ITPR3: variants seen among roughly 807,000 people sequenced by gnomAD.
ITPR3 encodes inositol 1,4,5-trisphosphate receptor type 3.
In ITPR3, 173 loss-of-function variants were observed where a neutral mutation model predicts 293.2. The observed-to-expected ratio is 0.59, with a 90% CI of 0.52 to 0.67. The LOEUF (loss-of-function observed/expected upper bound fraction) is 0.67. ITPR3 is among the 30% of genes least tolerant of loss of function. ITPR3 has a pLI of 0.00. For synonymous variants in ITPR3, 1,295 were observed against 1,444.4 expected (o/e 0.90, Z 2.35); for missense variants, 2,796 against 3,592.1 (o/e 0.78, Z 5.66).
rs1181668563 is a variant in ITPR3 at position 33,677,551 on chromosome 6, G to A, written c.3570G>A (p.Arg1190=). ...TGTGCGGGGTTGGGGAGCAAATGAG[G>A]AAGAAGCAGCAACGGCTGCTGAAGA... The part of the protein sequence containing the change: ...NKMCGVGEQM[R]KKQQRLLKNM... Residue 1190 remains arginine (R), a synonymous_variant, in exon 28 of 58, where the codon AGG becomes AGA. Coordinates refer to ENST00000605930, the MANE Select transcript of ITPR3 (RefSeq NM_002224.4). 3 of 1,614,068 alleles carry A rather than the reference G, an allele frequency of 1.9e-6. No individual in the cohort carries two copies. Among genetic ancestry groups the A allele is most frequent in the Admixed American group, 3.3e-5 (2 of 60,012 alleles).
rs9469559 is a variant in ITPR3, at chr6:33,685,507, G to T, written c.5456G>T (p.Arg1819Leu). Reference protein sequence around the residue: ...NDLGSQPHEDREPVDPTTKGR... With the variant: ...NDLGSQPHEDLEPVDPTTKGR... The stretch of plus-strand genomic sequence containing the variant: ...CTGGGCAGCCAGCCACATGAGGACC[G>T]CGAGCCAGTCGACCCCACCACCAAA... The change falls in exon 40 of 58, where the codon CGC (arginine) becomes CTC (leucine). Residue 1819 changes from arginine to leucine, a missense_variant. Physicochemically the swap from Arg to Leu is moderately radical, Grantham distance 102 (BLOSUM62 -2). Transcript: ENST00000605930. 8 of 1,612,894 alleles carry T rather than the reference G, an allele frequency of 5.0e-6. No individual in the cohort carries two copies. In the East Asian group the frequency reaches 8.9e-5, roughly 18 times the overall value.
chr6:33,688,859 C>A, intron 49 of ITPR3, 78 bp downstream of exon 49: 2 of 1,590,580 alleles, frequency 1.3e-6, no homozygotes, highest in Non-Finnish European at 1.7e-6. Flanking sequence ...AGCCTTGAGG[C>A]CAGCTGGCCT....
rs2147658 is a variant in ITPR3, at chr6:33,662,352, G to A, written c.712-176G>A. Among the ~76,000 whole-genome samples, 35,415 of 151,624 alleles carry A rather than the reference G, an allele frequency of 0.23. 4,734 individuals carry two copies. Among genetic ancestry groups the A allele is most frequent in the Non-Finnish European group, 0.28 (19,122 of 67,770 alleles). On this transcript the variant is annotated intron_variant, in intron 7 of 57. Coordinates refer to ENST00000605930, the MANE Select transcript of ITPR3 (RefSeq NM_002224.4). Reference sequence around the variant, plus strand: ...GATGCGGGCTGAGGGCAGAGTGCCTGGGCTTTGGCTGTTCTCTAGGGGGCT... The same window carrying A: ...GATGCGGGCTGAGGGCAGAGTGCCTAGGCTTTGGCTGTTCTCTAGGGGGCT...
Position 33,692,667 on chromosome 6 carries a change from T to C in ITPR3, c.7459-61T>C. 1 of 1,553,994 alleles carries C rather than the reference T, an allele frequency of 6.4e-7. No homozygotes were observed. ...ACAGCCCTGGCCCCAACCTGAGTCC[T>C]ATCTTGCCCCAGTGAATGTGGGGAC... On this transcript the variant is annotated intron_variant, in intron 54 of 57. Transcript: ENST00000605930. The surrounding 1 kb of genome is among the most constrained non-coding windows in gnomAD (Gnocchi z 4.2).
intron 39 of ITPR3, 50 bp from the exon 40 acceptor site, chr6:33,685,309 G>A (rs931434038): frequency 6.6e-7 from 1 of 1,522,864 alleles, no homozygotes; most frequent in African/African-American, 1.4e-5. Flanking sequence ...GCCCTGAGTA[G>A]GAGCAGGGCC....
Position 33,691,456 on chromosome 6 carries a change from G to A in ITPR3, c.7226-159G>A, listed in dbSNP as rs1352628427. ...CCTGCCCTTAGTGTGCAACCCAGTC[G>A]GGGGCAGAAGCGTGATGACCCTTCA... On this transcript the variant is annotated intron_variant, in intron 52 of 57. Transcript: ENST00000605930. This position sits in a 1 kb window ranked among gnomAD's most constrained non-coding sequence, Gnocchi z 4.9. Among the ~76,000 whole-genome samples, 1 of 152,174 alleles carries A rather than the reference G, an allele frequency of 6.6e-6. No individual in the cohort carries two copies. Among genetic ancestry groups the A allele is most frequent in the South Asian group, 2.1e-4 (1 of 4,834 alleles).
In ITPR3 at chr6:33,678,695, C is replaced by A; in HGVS notation, c.3828C>A (p.Ser1276=). 6.2e-7 allele frequency: 1 copy of A among 1,612,972 alleles called. No homozygotes were observed. The part of the protein sequence containing the change: ...HIFLNNYQLC[S]EISEPVLQHF... The stretch of plus-strand genomic sequence containing the variant: ...TCCTGAACAACTATCAGCTCTGCTC[C>A]GAGATCAGCGAGCCTGTGTTGCAGC... The change falls in exon 30 of 58, where the codon TCC becomes TCA. Residue 1276 remains serine (S), a synonymous_variant. Transcript: ENST00000605930.
At chr6:33,671,432 G>A in intron 21 of ITPR3, 126 bp downstream of exon 21, 1 of 698,010 alleles carries the variant, frequency 1.4e-6, no homozygotes, top group Non-Finnish European at 2.4e-6. Flanking sequence ...TCTGCCTCAA[G>A]GGGATATCTT....
Position 33,690,199 on chromosome 6 carries a change from G to A in ITPR3, c.7032+1G>A, listed in dbSNP as rs781568993. 4 of 1,612,624 alleles carry A rather than the reference G, an allele frequency of 2.5e-6. No individual in the cohort carries two copies. Among genetic ancestry groups the A allele is most frequent in the Non-Finnish European group, 3.4e-6 (4 of 1,179,134 alleles). ...TCATGAGCTGTTCTACAGCATCCTGGTGAGGCCTTCTGGGTGGGCTGGGGC... is the reference window on the plus strand; with the variant it reads ...TCATGAGCTGTTCTACAGCATCCTGATGAGGCCTTCTGGGTGGGCTGGGGC... On this transcript the variant is annotated splice_donor_variant, in intron 51 of 57. Coordinates refer to ENST00000605930, the MANE Select transcript of ITPR3 (RefSeq NM_002224.4). LOFTEE classifies it high-confidence loss of function.
At position 33,659,006 on chromosome 6, in the gene ITPR3, C is replaced by T. The variant is rs142940932; in HGVS notation, c.529-15C>T. On this transcript the variant is annotated splice_polypyrimidine_tract_variant and intron_variant, in intron 5 of 57. Transcript: ENST00000605930. ...CCTGCCCTTCCCACCTAACCTGTCC[C>T]ACCTGTCTGCTCAGGTGGTCGTGGG... 1.2e-3 allele frequency: 1,991 copies of T among 1,613,854 alleles called. 30 individuals carry two copies. The highest frequency in any genetic ancestry group is 0.011 in the South Asian group (991 of 91,076).
chr6:33,685,215 A>G (rs1222571996), intron 39 of ITPR3, 144 bp from the exon 40 acceptor site: 2 of 859,844 alleles, frequency 2.3e-6, no homozygotes, highest in African/African-American at 3.4e-5. Context: ...ATGGGTGGCC[A>G]TGGATGCTAG....
intron 43 of ITPR3, among the ~76,000 whole-genome samples, 176 bp from the exon 44 acceptor site, chr6:33,686,833 G>A (rs528546805): frequency 6.6e-6 from 1 of 152,178 alleles, no homozygotes; most frequent in Non-Finnish European, 1.5e-5. Flanking sequence ...CAAGCCTATG[G>A]GTGGGCTGGC....
At chr6:33,662,384 G>A (rs1764494845) in intron 7 of ITPR3, 144 bp from the exon 8 acceptor site, 1 of 941,128 alleles carries the variant, frequency 1.1e-6, no homozygotes, top group Non-Finnish European at 1.5e-6. Context: ...GGCTCAGCTT[G>A]CATCCCCCTC....
chr6:33,687,634 C>T lies in ITPR3; in HGVS notation c.6264+70C>T, dbSNP rs1206892074. On this transcript the variant is annotated intron_variant, in intron 46 of 57. Coordinates refer to ENST00000605930, the MANE Select transcript of ITPR3 (RefSeq NM_002224.4). This position sits in a 1 kb window ranked among gnomAD's most constrained non-coding sequence, Gnocchi z 5.3. ...CCAGGGAGGACACTTGACCCAAGGG[C>T]GTGGCCTGGAACAGAGTGAGGCCCT... 2.0e-5 allele frequency: 26 copies of T among 1,274,226 alleles called. No homozygotes were observed. The highest frequency in any genetic ancestry group is 4.8e-5 in the East Asian group (2 of 41,760). The allele number at this position is 1,274,226 out of a possible 1,614,324, so 78.9% of individuals were successfully genotyped here. A position where few individuals can be genotyped will look rare whatever the true frequency, so the allele number is the denominator to read the frequency against.
chr6:33,677,738 C>T (rs1038046009), intron 28 of ITPR3, 109 bp downstream of exon 28: 1 of 1,306,102 alleles, frequency 7.7e-7, no homozygotes. Context: ...CCTCGCCTGG[C>T]CTCTTACACT....
rs767688382 is a variant in ITPR3 at position 33,687,449 on chromosome 6, C to T, written c.6178-29C>T. On this transcript the variant is annotated intron_variant, in intron 45 of 57. Coordinates refer to ENST00000605930, the MANE Select transcript of ITPR3 (RefSeq NM_002224.4). This position sits in a 1 kb window ranked among gnomAD's most constrained non-coding sequence, Gnocchi z 5.3. ...CCACCATGTCCCCCAGCCACCACACCCTGGTGACTGTGCTGCCATTTCCCT... is the reference window on the plus strand; with the variant it reads ...CCACCATGTCCCCCAGCCACCACACTCTGGTGACTGTGCTGCCATTTCCCT... The T allele has an allele frequency of 1.3e-6, 2 of 1,586,558 alleles. No individual in the cohort carries two copies. The highest frequency in any genetic ancestry group is 1.7e-6 in the Non-Finnish European group (2 of 1,161,864).
In ITPR3 at chr6:33,654,579, A is replaced by T. The variant is rs1208141500; in HGVS notation, c.161-1187A>T. On this transcript the variant is annotated intron_variant, in intron 2 of 57. Coordinates refer to ENST00000605930, the MANE Select transcript of ITPR3 (RefSeq NM_002224.4). The surrounding 1 kb of genome is among the most constrained non-coding windows in gnomAD (Gnocchi z 4.1). ...GGACTGGATGACCAGCTTTGACCAGAGAAAAGACACAGCTTTCTTAGAGGG... is the reference window on the plus strand; with the variant it reads ...GGACTGGATGACCAGCTTTGACCAGTGAAAAGACACAGCTTTCTTAGAGGG... Among the ~76,000 whole-genome samples, 1 of 152,238 alleles carries T rather than the reference A, an allele frequency of 6.6e-6. No homozygotes were observed. Among genetic ancestry groups the T allele is most frequent in the African/African-American group, 2.4e-5 (1 of 41,464 alleles).
intron 2 of ITPR3, among the ~76,000 whole-genome samples, chr6:33,647,738 A>G (rs1252479909): frequency 1.3e-5 from 2 of 151,998 alleles, no homozygotes; most frequent in African/African-American, 4.8e-5. Context: ...ATGTGGCTCT[A>G]TTGTAATTTG....
intron 40 of ITPR3, 54 bp from the exon 41 acceptor site, chr6:33,685,589 A>C: frequency 3.8e-6 from 6 of 1,594,228 alleles, no homozygotes; most frequent in Non-Finnish European, 5.1e-6. Flanking sequence ...TAAGATGTGC[A>C]GGGGGGTGGC....
Sources: allele counts gnomAD v4.1 joint callset (sites outside exome capture counted in the v4.1 genomes callset), GRCh38; gene constraint gnomAD v4.1.1; non-coding constraint Gnocchi (gnomAD v3.1); transcripts MANE v1.5; gene names NCBI Gene and HGNC (gene_info 2026-07-23, HGNC 2026-07-21).